SLC27A5: variants seen among roughly 807,000 people sequenced by gnomAD.
The protein encoded by SLC27A5 is solute carrier family 27 member 5.
A neutral mutation model predicts 63.1 loss-of-function variants in SLC27A5; 47 were observed. The ratio of observed to expected loss-of-function variants is 0.74; its 90% CI spans 0.59 to 0.95. SLC27A5 has a LOEUF of 0.95. SLC27A5 is among the 40% of genes least tolerant of loss of function. The pLI is 0.00. For missense variants in SLC27A5, 940 were observed against 921.0 expected, an observed-to-expected ratio of 1.02 and a Z score of -0.27; for synonymous variants, 391 against 403.8, an observed-to-expected ratio of 0.97 and a Z score of 0.38.
At position 58,510,720 on chromosome 19, in the gene SLC27A5, C is replaced by T. The variant is rs1274069490; in HGVS notation, c.898+1G>A. ...GTGCTAGGGCTAATGGGCACCCTCA[C>T]CAGTGGTCCCCGAGGTATAGATGAA... On this transcript the variant is annotated splice_donor_variant, in intron 2 of 9. Coordinates refer to ENST00000263093, the MANE Select transcript of SLC27A5 (RefSeq NM_012254.3). LOFTEE classifies it high-confidence loss of function. 1.2e-6 allele frequency: 2 copies of T among 1,600,324 alleles called. No individual in the cohort carries two copies. The highest frequency in any genetic ancestry group is 2.2e-5 in the South Asian group (2 of 89,410).
At chr19:58,502,532 CAGTT>C (rs1330664450) in intron 3 of SLC27A5, among the ~76,000 whole-genome samples, 1 of 62,050 alleles carries the variant, frequency 1.6e-5, no homozygotes, top group African/African-American at 4.6e-5. Flanking sequence ...GATGGGTGAA[CAGTT>C]AGAGTAGTGA....
At chr19:58,499,008 AG>A (rs1157728576) in intron 8 of SLC27A5, 93 bp from the exon 9 acceptor site, 1 of 1,589,372 alleles carries the variant, frequency 6.3e-7, no homozygotes, top group East Asian at 2.2e-5. Flanking sequence ...TGGCTGTGAG[AG>A]CCAGCAAGTC....
At chr19:58,511,090 G>A in intron 1 of SLC27A5, 160 bp from the exon 2 acceptor site, 2 of 935,492 alleles carry the variant, frequency 2.1e-6, no homozygotes, top group Non-Finnish European at 1.5e-6. Context: ...TGGTCAAATT[G>A]TGGGAAAATT....
At position 58,499,692 on chromosome 19, in the gene SLC27A5, TG is replaced by T; in HGVS notation, c.1469-3del. ...TGGTCAGCAGCAGCCCCGGCTCCCC[TG>T]GGGTAGGAGCAGGAACAAGAACCCC... On this transcript the variant is annotated splice_region_variant and splice_polypyrimidine_tract_variant and intron_variant, in intron 6 of 9. Coordinates refer to ENST00000263093, the MANE Select transcript of SLC27A5 (RefSeq NM_012254.3). 6.2e-7 allele frequency: 1 copy of T among 1,610,720 alleles called. No individual in the cohort carries two copies. Among genetic ancestry groups the T allele is most frequent in the Non-Finnish European group, 8.5e-7 (1 of 1,179,894 alleles).
intron 6 of SLC27A5, 94 bp from the exon 7 acceptor site, chr19:58,499,784 A>AC: frequency 1.6e-6 from 2 of 1,243,756 alleles, no homozygotes; most frequent in Non-Finnish European, 2.3e-6. Flanking sequence ...ATCACCCAGC[A>AC]CCCTGCCAAG....
chr19:58,500,905 G>A, intron 4 of SLC27A5, 199 bp from the exon 5 acceptor site: 1 of 1,408,610 alleles, frequency 7.1e-7, no homozygotes, highest in Non-Finnish European at 9.2e-7. Context: ...GTTACCTGCA[G>A]GGGCGACCTC....
At chr19:58,505,762 C>T (rs1348718839) in intron 3 of SLC27A5, among the ~76,000 whole-genome samples, 1 of 150,456 alleles carries the variant, frequency 6.6e-6, no homozygotes, top group Non-Finnish European at 1.5e-5. Context: ...GCAGGAGAAT[C>T]GCTTGAACCC....
Position 58,511,556 on chromosome 19 carries a change from C to T in SLC27A5, c.400G>A (p.Val134Met), listed in dbSNP as rs776395428. The change falls in exon 1 of 10, where the codon GTG becomes ATG. Residue 134 changes from valine (V) to methionine (M), a missense_variant. Transcript: ENST00000263093. ...ARAQPGRALL[V>M]WTGPGAGSVT... Reference sequence around the variant, plus strand: ...GAGCCGGCCCCAGGCCCCGTCCACACCAAGAGTGCCCTGCCAGGCTGCGCT... The same window carrying T: ...GAGCCGGCCCCAGGCCCCGTCCACATCAAGAGTGCCCTGCCAGGCTGCGCT... 6.4e-7 allele frequency: 1 copy of T among 1,562,906 alleles called. No individual in the cohort carries two copies. Among genetic ancestry groups the T allele is most frequent in the South Asian group, 1.2e-5 (1 of 85,902 alleles).
rs760686310 is a variant in SLC27A5, at chr19:58,511,911, GAGCAGCAGC to G, written c.36_44del (p.Leu15_Leu17del). The G allele has an allele frequency of 6.5e-7, 1 of 1,546,920 alleles. No individual in the cohort carries two copies. Among genetic ancestry groups the G allele is most frequent in the Admixed American group, 2.0e-5 (1 of 50,982 alleles). ...CTGGCTGCCCCAGGCCCCAGAGCAG[GAGCAGCAGC>G]AGCAGCAGCAAGGCCAACTGTTGCC... On this transcript the variant is annotated inframe_deletion, in exon 1 of 10. Transcript: ENST00000263093.
Position 58,511,908 on chromosome 19 carries a change from C to G in SLC27A5, c.48G>C (p.Leu16=). Residue 16 remains leucine (L), a synonymous_variant, in exon 1 of 10, where the codon CTG becomes CTC. Coordinates refer to ENST00000263093, the MANE Select transcript of SLC27A5 (RefSeq NM_012254.3). ...ACACTGGCTGCCCCAGGCCCCAGAG[C>G]AGGAGCAGCAGCAGCAGCAGCAAGG... ...QLALLLLLLL[L]LWGLGQPVWP... 6.5e-7 allele frequency: 1 copy of G among 1,547,458 alleles called. No individual in the cohort carries two copies. The highest frequency in any genetic ancestry group is 8.7e-7 in the Non-Finnish European group (1 of 1,146,400).
chr19:58,510,879 A>C lies in SLC27A5; in HGVS notation c.740T>G (p.Ile247Ser). 2 of 1,612,656 alleles carry C rather than the reference A, an allele frequency of 1.2e-6. No homozygotes were observed. The highest frequency in any genetic ancestry group is 1.7e-6 in the Non-Finnish European group (2 of 1,179,448). The change falls in exon 2 of 10, where the codon ATC becomes AGC. Residue 247 changes from isoleucine to serine, a missense_variant. By Grantham distance (142) the Ile-to-Ser change is moderately radical. Coordinates refer to ENST00000263093, the MANE Select transcript of SLC27A5 (RefSeq NM_012254.3). ...EILPKLQAEN[I>S]RCFYLSHTSP... ...GGTATGGCTGAGGTAGAAGCAGCGGATGTTCTCAGCCTGCAGCTTGGGAAG... is the reference window on the plus strand; with the variant it reads ...GGTATGGCTGAGGTAGAAGCAGCGGCTGTTCTCAGCCTGCAGCTTGGGAAG...
intron 3 of SLC27A5, among the ~76,000 whole-genome samples, chr19:58,506,640 C>T (rs936712692): frequency 3.4e-5 from 5 of 148,930 alleles, no homozygotes; most frequent in African/African-American, 1.0e-4. Context: ...TGTCATCAAA[C>T]TATTTTCACT....
At position 58,498,580 on chromosome 19, in the gene SLC27A5, G is replaced by A; in HGVS notation, c.2008C>T (p.Gln670Ter). The A allele has an allele frequency of 6.2e-7, 1 of 1,614,080 alleles. No individual in the cohort carries two copies. Among genetic ancestry groups the A allele is most frequent in the Non-Finnish European group, 8.5e-7 (1 of 1,180,006 alleles). The change falls in exon 10 of 10, where the codon CAG (glutamine) becomes TAG (stop). Residue 670 changes from glutamine to a stop codon, truncating the protein, a stop_gained. Coordinates refer to ENST00000263093, the MANE Select transcript of SLC27A5 (RefSeq NM_012254.3). LOFTEE classifies it low-confidence loss of function (END_TRUNC). The part of the protein sequence containing the change: ...DPLFVLDNRA[Q>*]SFRPLTAEMY... ...TCTGCCGTCAGGGGCCGGAAGGACT[G>A]GGCCCGGTTGTCCAGTACAAACAGA...
At chr19:58,506,273 G>A (rs11670192) in intron 3 of SLC27A5, among the ~76,000 whole-genome samples, 26,504 of 150,818 alleles carry the variant, frequency 0.18, 2,421 homozygotes, top group Middle Eastern at 0.23. Context: ...GGTGGTTCAC[G>A]CCTGTAATCC....
intron 3 of SLC27A5, 39 bp downstream of exon 3, chr19:58,509,808 G>A (rs536714846): frequency 1.3e-6 from 2 of 1,571,006 alleles, no homozygotes; most frequent in East Asian, 2.3e-5. Context: ...TTACTCCCGT[G>A]GTCCTGTAGA....
At chr19:58,506,092 G>A (rs1017499629) in intron 3 of SLC27A5, among the ~76,000 whole-genome samples, 3 of 150,982 alleles carry the variant, frequency 2.0e-5, no homozygotes, top group Non-Finnish European at 4.4e-5. Context: ...CACCATGCCT[G>A]GCTTTTTTTT....
intron 4 of SLC27A5, 45 bp from the exon 5 acceptor site, chr19:58,500,751 G>T: frequency 6.3e-7 from 1 of 1,595,328 alleles, no homozygotes; most frequent in Non-Finnish European, 8.6e-7. Flanking sequence ...TGCTCTTGGG[G>T]CATGCCTTGG....
rs375046019 is a variant in SLC27A5 at position 58,505,379 on chromosome 19, G to A, written c.1058-3969C>T. 6.6e-5 allele frequency among the ~76,000 whole-genome samples: 10 copies of A among 151,808 alleles called. No homozygotes were observed. In the East Asian group the frequency reaches 8.0e-4, roughly 12 times the overall value. Reference sequence around the variant, plus strand: ...CTCCCAAAGTGCTGGGATTACAGGCGTGAGCCACCATGCCCCGGTAATTTT... The same window carrying A: ...CTCCCAAAGTGCTGGGATTACAGGCATGAGCCACCATGCCCCGGTAATTTT... On this transcript the variant is annotated intron_variant, in intron 3 of 9. Coordinates refer to ENST00000263093, the MANE Select transcript of SLC27A5 (RefSeq NM_012254.3).
Position 58,498,467 on chromosome 19 carries a change from G to A in SLC27A5, c.*48C>T, listed in dbSNP as rs78063824. On this transcript the variant is annotated 3_prime_UTR_variant, in exon 10 of 10. Coordinates refer to ENST00000263093, the MANE Select transcript of SLC27A5 (RefSeq NM_012254.3). The stretch of plus-strand genomic sequence containing the variant: ...TGAAAGGGACACCGAGTGTGTTGGG[G>A]TGGGGGTGGCTGGCTTTGATCCCTA... 2 of 1,553,510 alleles carry A rather than the reference G, an allele frequency of 1.3e-6. No individual in the cohort carries two copies. The highest frequency in any genetic ancestry group is 1.8e-6 in the Non-Finnish European group (2 of 1,142,756).
Sources: allele counts gnomAD v4.1 joint callset (sites outside exome capture counted in the v4.1 genomes callset), GRCh38; gene constraint gnomAD v4.1.1; transcripts MANE v1.5; gene names NCBI Gene and HGNC (gene_info 2026-07-23, HGNC 2026-07-21).